MTFR1: variants seen among roughly 807,000 people sequenced by gnomAD.
MTFR1 encodes mitochondrial fission regulator 1.
Under a neutral mutation model 38.8 loss-of-function variants are expected in MTFR1, and 28 were observed. The ratio of observed to expected loss-of-function variants is 0.72; its 90% CI spans 0.53 to 0.99. The LOEUF is 0.99. Ranked by LOEUF, MTFR1 falls within the 50% of genes least tolerant of loss-of-function variation. MTFR1 has a pLI of 0.00. For synonymous variants in MTFR1, 145 were observed against 137.0 expected, an observed-to-expected ratio of 1.06 and a Z score of -0.41; for missense variants, 358 against 395.5, an observed-to-expected ratio of 0.91 and a Z score of 0.81.
At chr8:65,673,456 A>T (rs1804623815) in intron 2 of MTFR1, among the ~76,000 whole-genome samples, 1 of 151,870 alleles carries the variant, frequency 6.6e-6, no homozygotes, top group African/African-American at 2.4e-5. Flanking sequence ...AAGGGGGAGC[A>T]TTAGGACAAT....
chr8:65,645,702 C>T (rs992553495), intron 1 of MTFR1, among the ~76,000 whole-genome samples: 4 of 134,960 alleles, frequency 3.0e-5, no homozygotes, highest in Admixed American at 7.5e-5. Flanking sequence ...TCCCCCCCCC[C>T]CCCCTTTGTA....
At chr8:65,669,698 T>C (rs779003220) in intron 1 of MTFR1, among the ~76,000 whole-genome samples, 175 bp from the exon 2 acceptor site, 1 of 152,132 alleles carries the variant, frequency 6.6e-6, no homozygotes, top group Non-Finnish European at 1.5e-5. Context: ...ATTACAGGCA[T>C]GCACCGCCAC....
chr8:65,710,583 C>CTTTTT (rs1212026674), downstream of MTFR1: 1 of 152,198 alleles, frequency 6.6e-6, no homozygotes, highest in Non-Finnish European at 1.5e-5. Context: ...TCCATTTTTT[C>CTTTTT]TTTTTTCACA....
chr8:65,755,346 TTTTTGTTTTG>T (rs911570669), intron 3 of MTFR1, among the ~76,000 whole-genome samples: 3 of 151,944 alleles, frequency 2.0e-5, no homozygotes, highest in African/African-American at 7.3e-5. Context: ...AAAATTTAGG[TTTTTGTTTTG>T]TTTTGTTTTG....
chr8:65,704,088 C>A (rs1431980459), intron 4 of MTFR1, among the ~76,000 whole-genome samples: 1 of 151,774 alleles, frequency 6.6e-6, no homozygotes, highest in Non-Finnish European at 1.5e-5. Context: ...TATGTTTGAG[C>A]CCATAAATAT....
chr8:65,648,276 C>T (rs1809018698), intron 1 of MTFR1, among the ~76,000 whole-genome samples: 1 of 152,098 alleles, frequency 6.6e-6, no homozygotes, highest in African/African-American at 2.4e-5. Flanking sequence ...CTCGGCCTCC[C>T]AAAGTGCTGG....
At chr8:65,711,737 A>C (rs975957562), downstream of MTFR1, among the ~76,000 whole-genome samples, 1 of 152,204 alleles carries the variant, frequency 6.6e-6, no homozygotes, top group African/African-American at 2.4e-5. Context: ...GTAAGGATCT[A>C]TAACTTTTGC....
At chr8:65,726,999 G>T in intron 3 of MTFR1, 1 of 1,214,186 alleles carries the variant, frequency 8.2e-7, no homozygotes, top group Non-Finnish European at 1.2e-6. Flanking sequence ...GTTACTTAAT[G>T]ATACGTCTCT....
intron 1 of MTFR1, among the ~76,000 whole-genome samples, chr8:65,655,726 G>C (rs530174140): frequency 6.6e-6 from 1 of 151,548 alleles, no homozygotes; most frequent in Admixed American, 6.6e-5. Flanking sequence ...GAGGTAGGTA[G>C]ATAACCTGAG....
chr8:65,695,790 G>A (rs1805424526), intron 4 of MTFR1, among the ~76,000 whole-genome samples: 1 of 152,186 alleles, frequency 6.6e-6, no homozygotes, highest in African/African-American at 2.4e-5. Flanking sequence ...TTATGTGAAT[G>A]GATATTGGTA....
chr8:65,702,542 C>T (rs1378024987), intron 4 of MTFR1, among the ~76,000 whole-genome samples: 3 of 151,998 alleles, frequency 2.0e-5, no homozygotes, highest in African/African-American at 7.2e-5. Flanking sequence ...TCAAGTGATC[C>T]GCCTGCCTCA....
At position 65,645,692 on chromosome 8, in the gene MTFR1, T is replaced by TTCC. The variant is rs1554544272; in HGVS notation, c.-81+908_-81+909insTCC. 1.1e-3 allele frequency among the ~76,000 whole-genome samples: 89 copies of TTCC among 83,174 alleles called. 10 individuals carry two copies. Among genetic ancestry groups the TTCC allele is most frequent in the East Asian group, 2.3e-3 (2 of 884 alleles). 54.6% of individuals were successfully genotyped at this position (83,174 alleles called of 152,430 possible). The stretch of plus-strand genomic sequence containing the variant: ...AGGCAGGCGCCATCACGCCCGGCTT[T>TTCC]CCCCCCCCCCCCCCTTTGTAGAGAT... On this transcript the variant is annotated intron_variant, in intron 1 of 7. Transcript: ENST00000262146.
intron 3 of MTFR1, among the ~76,000 whole-genome samples, chr8:65,740,001 C>T (rs969769498): frequency 6.6e-6 from 1 of 152,116 alleles, no homozygotes; most frequent in Admixed American, 6.5e-5. Flanking sequence ...ACTGACTGCC[C>T]CAGAGCACAC....
chr8:65,676,820 C>A (rs1362506673), intron 2 of MTFR1, among the ~76,000 whole-genome samples: 1 of 152,144 alleles, frequency 6.6e-6, no homozygotes, highest in Admixed American at 6.6e-5. Context: ...GCTTCAGATT[C>A]CAGCCTCACA....
At chr8:65,661,842 C>T (rs1483533646) in intron 1 of MTFR1, among the ~76,000 whole-genome samples, 1 of 151,788 alleles carries the variant, frequency 6.6e-6, no homozygotes, top group African/African-American at 2.4e-5. Context: ...CATATGCCTG[C>T]AGTCCCAGCT....
At chr8:65,764,817 A>C (rs1459356519) in intron 3 of MTFR1, among the ~76,000 whole-genome samples, 1 of 152,244 alleles carries the variant, frequency 6.6e-6, no homozygotes, top group African/African-American at 2.4e-5. Context: ...ATGAGGAACT[A>C]AGCGAAATTT....
intron 1 of MTFR1, among the ~76,000 whole-genome samples, chr8:65,659,642 T>TATTG (rs1349402485): frequency 2.0e-5 from 3 of 152,100 alleles, no homozygotes; most frequent in Non-Finnish European, 2.9e-5. Context: ...AGATGTGAGT[T>TATTG]ATTGATTAGA....
chr8:65,732,519 T>G (rs1188307175), intron 3 of MTFR1, among the ~76,000 whole-genome samples: 1 of 152,134 alleles, frequency 6.6e-6, no homozygotes, highest in African/African-American at 2.4e-5. Context: ...TCTTCAGGCA[T>G]CTATCTAATC....
intron 3 of MTFR1, among the ~76,000 whole-genome samples, chr8:65,760,214 T>C (rs2128913792): frequency 6.6e-6 from 1 of 151,806 alleles, no homozygotes; most frequent in African/African-American, 2.4e-5. Flanking sequence ...CACTCCAGCC[T>C]GGGCAAGAGT....
Sources: allele counts gnomAD v4.1 joint callset (sites outside exome capture counted in the v4.1 genomes callset), GRCh38; gene constraint gnomAD v4.1.1; transcripts MANE v1.5; gene names NCBI Gene and HGNC (gene_info 2026-07-23, HGNC 2026-07-21).